Variants in XPR1 observed in about 807,000 individuals in gnomAD.
XPR1 encodes the protein xenotropic and polytropic retrovirus receptor 1.
A neutral mutation model predicts 87.5 loss-of-function variants in XPR1; 28 were observed. The ratio of observed to expected loss-of-function variants is 0.32; its 90% CI spans 0.24 to 0.44. XPR1 has a LOEUF of 0.44. Among genes scored for constraint, XPR1 ranks in the 20% least tolerant of loss-of-function variants. The pLI is 1.00. For missense variants in XPR1, 559 were observed against 862.3 expected (o/e 0.65, Z 4.41); for synonymous variants, 300 against 306.1 (o/e 0.98, Z 0.21).
At chr1:180,842,441 T>C (rs1193384414) in intron 11 of XPR1, among the ~76,000 whole-genome samples, 2 of 152,306 alleles carry the variant, frequency 1.3e-5, no homozygotes, top group East Asian at 3.9e-4. Context: ...ATAAGTGAGC[T>C]AGCACTCACT....
intron 1 of XPR1, among the ~76,000 whole-genome samples, chr1:180,641,645 G>A (rs1363657188): frequency 6.6e-6 from 1 of 152,132 alleles, no homozygotes; most frequent in East Asian, 1.9e-4. Flanking sequence ...TGAGTTGCTT[G>A]AGTTTTTAGT....
intron 2 of XPR1, among the ~76,000 whole-genome samples, chr1:180,735,573 A>C (rs1222584793): frequency 6.6e-6 from 1 of 152,124 alleles, no homozygotes; most frequent in Non-Finnish European, 1.5e-5. Flanking sequence ...TTATTGATTA[A>C]ATAGTGAAAG....
rs1653109201 is a variant in XPR1 at position 180,889,238 on chromosome 1, G to A, written c.*5172G>A. On this transcript the variant is annotated 3_prime_UTR_variant, in exon 15 of 15. Transcript: ENST00000367590. ...AAAGCCACCCTCAGTTTTTTGTATG[G>A]TGCCATCAACCTAAGGAGGACAATC... 1 of 152,114 alleles carries A rather than the reference G, an allele frequency of 6.6e-6. No individual in the cohort carries two copies. The allele number at this position is 152,114 out of a possible 1,614,324, so 9.4% of individuals were successfully genotyped here. A position where few individuals can be genotyped will look rare whatever the true frequency, so the allele number is the denominator to read the frequency against.
At chr1:180,647,247 G>A (rs967855854) in intron 1 of XPR1, among the ~76,000 whole-genome samples, 2 of 152,188 alleles carry the variant, frequency 1.3e-5, no homozygotes, top group East Asian at 1.9e-4. Flanking sequence ...ATGAAACTTC[G>A]CTTGCTCGCT....
chr1:180,845,043 TTTGTC>T (rs1651631665), intron 11 of XPR1, among the ~76,000 whole-genome samples: 2 of 152,296 alleles, frequency 1.3e-5, no homozygotes, highest in South Asian at 2.1e-4. Flanking sequence ...TTTAAACTGA[TTTGTC>T]TAAAGTGGCA....
In XPR1 at chr1:180,806,184, A is replaced by G. The variant is rs1253142827; in HGVS notation, c.570A>G (p.Lys190=). The G allele has an allele frequency of 6.2e-6, 10 of 1,613,474 alleles. No individual in the cohort carries two copies. The highest frequency in any genetic ancestry group is 2.7e-5 in the African/African-American group (2 of 74,898). Reference sequence around the variant, plus strand: ...TGGCCCCATTTTATACATGCAAGAAAATCAACCAGCTTATCTCTGAAACTG... The same window carrying G: ...TGGCCCCATTTTATACATGCAAGAAGATCAACCAGCTTATCTCTGAAACTG... ...VEVAPFYTCK[K]INQLISETEA... Residue 190 remains lysine, a synonymous_variant, in exon 5 of 15, where the codon AAA becomes AAG. Transcript: ENST00000367590.
chr1:180,850,507 T>A (rs1381467499), intron 11 of XPR1, among the ~76,000 whole-genome samples: 1 of 152,188 alleles, frequency 6.6e-6, no homozygotes, highest in Non-Finnish European at 1.5e-5. Flanking sequence ...TATAGCTGCT[T>A]AAAGATGTAC....
chr1:180,726,301 G>A (rs879343645), intron 2 of XPR1, among the ~76,000 whole-genome samples: 1 of 152,226 alleles, frequency 6.6e-6, no homozygotes, highest in Admixed American at 6.5e-5. Context: ...GGCCACCCCA[G>A]CCAGCAGCGC....
chr1:180,766,261 AT>A lies in XPR1; in HGVS notation c.122-21488del, dbSNP rs956376842. On this transcript the variant is annotated intron_variant, in intron 2 of 14. Coordinates refer to ENST00000367590, the MANE Select transcript of XPR1 (RefSeq NM_004736.4). ...AATGCAACCTAGGCAAGTAAGAGAT[AT>A]TTTCTGTACAGATTGGTGCTGATGG... 2.6e-5 allele frequency among the ~76,000 whole-genome samples: 4 copies of A among 152,168 alleles called. 1 individual carries two copies. The highest frequency in any genetic ancestry group is 9.6e-5 in the African/African-American group (4 of 41,456).
chr1:180,708,774 A>T (rs1238716985), intron 2 of XPR1, among the ~76,000 whole-genome samples: 1 of 152,162 alleles, frequency 6.6e-6, no homozygotes, highest in Non-Finnish European at 1.5e-5. Context: ...TTTATGTTGT[A>T]AAGTTAAATA....
intron 1 of XPR1, among the ~76,000 whole-genome samples, chr1:180,669,545 T>C (rs774582049): frequency 4.6e-5 from 7 of 151,990 alleles, no homozygotes; most frequent in African/African-American, 1.7e-4. Flanking sequence ...CACCATTTAG[T>C]AGAGACGGGT....
Position 180,884,176 on chromosome 1 carries a change from C to A in XPR1, c.*110C>A. On this transcript the variant is annotated 3_prime_UTR_variant, in exon 15 of 15. Coordinates refer to ENST00000367590, the MANE Select transcript of XPR1 (RefSeq NM_004736.4). ...GCCGAAAACAGGAGAAAACACATAA[C>A]ACATTTTCCGAGCTCTTCCGGATCG... 1.1e-6 allele frequency: 1 copy of A among 886,782 alleles called. No homozygotes were observed. Among genetic ancestry groups the A allele is most frequent in the Non-Finnish European group, 1.7e-6 (1 of 588,094 alleles). The allele number at this position is 886,782 out of a possible 1,614,324, so 54.9% of individuals were successfully genotyped here. A position where few individuals can be genotyped will look rare whatever the true frequency, so the allele number is the denominator to read the frequency against.
At chr1:180,809,091 C>G (rs1336316172) in intron 6 of XPR1, among the ~76,000 whole-genome samples, 1 of 151,986 alleles carries the variant, frequency 6.6e-6, no homozygotes, top group Admixed American at 6.5e-5. Context: ...AAAGGAATAA[C>G]TGATTGATAA....
At chr1:180,708,559 T>A (rs993463660) in intron 2 of XPR1, among the ~76,000 whole-genome samples, 2 of 151,782 alleles carry the variant, frequency 1.3e-5, no homozygotes, top group African/African-American at 4.9e-5. Flanking sequence ...CTAAAATTTT[T>A]TAGTGGAGAT....
chr1:180,766,938 A>G (rs1350547674), intron 2 of XPR1, among the ~76,000 whole-genome samples: 2 of 152,214 alleles, frequency 1.3e-5, no homozygotes, highest in Non-Finnish European at 2.9e-5. Context: ...TTTGTCCCAT[A>G]TATGGTGACC....
chr1:180,662,836 C>A (rs1329831399), intron 1 of XPR1, among the ~76,000 whole-genome samples: 3 of 152,088 alleles, frequency 2.0e-5, no homozygotes, highest in African/African-American at 7.2e-5. Context: ...TCTTTCATCT[C>A]TTCTGACTGT....
Position 180,658,902 on chromosome 1 carries a change from ATGATGT to A in XPR1, c.70-23457_70-23452del, listed in dbSNP as rs1655634635. ...GGTTTTTATCCTTTACTCTGTTGAT[ATGATGT>A]ATCACATTGATTTGTAGATGTTGAA... On this transcript the variant is annotated intron_variant, in intron 1 of 14. Coordinates refer to ENST00000367590, the MANE Select transcript of XPR1 (RefSeq NM_004736.4). Among the ~76,000 whole-genome samples the A allele has an allele frequency of 2.6e-5, 4 of 152,228 alleles. No individual in the cohort carries two copies. In the South Asian group the frequency reaches 8.3e-4, roughly 32 times the overall value.
chr1:180,766,684 A>ATTTACTT, intron 2 of XPR1, among the ~76,000 whole-genome samples: 1 of 152,274 alleles, frequency 6.6e-6, no homozygotes, highest in South Asian at 2.1e-4. Flanking sequence ...AAAAACATGT[A>ATTTACTT]TTTGTTCTGG....
chr1:180,857,337 A>G (rs140023977), intron 11 of XPR1, among the ~76,000 whole-genome samples: 168 of 152,244 alleles, frequency 1.1e-3, no homozygotes, highest in Non-Finnish European at 2.1e-3. Flanking sequence ...ATCTTTACTT[A>G]TATATCTGAT....
Sources: gnomAD v4.1 joint callset for allele counts (sites outside exome capture counted in the v4.1 genomes callset) on GRCh38, gnomAD v4.1.1 for gene constraint, MANE v1.5 for transcripts, NCBI Gene and HGNC (gene_info 2026-07-23, HGNC 2026-07-21) for gene names.